TAFA2: variants seen among roughly 807,000 people sequenced by gnomAD.
TAFA2 encodes chemokine-like protein TAFA-2.
Under a neutral mutation model 18.8 loss-of-function variants are expected in TAFA2, and 7 were observed. The ratio of observed to expected loss-of-function variants is 0.37; its 90% CI spans 0.21 to 0.70. The LOEUF (loss-of-function observed/expected upper bound fraction) is 0.70, where lower values mean the gene tolerates loss of function less well. Among genes scored for constraint, TAFA2 ranks in the 30% least tolerant of loss-of-function variants. TAFA2 has a pLI of 0.53. For synonymous variants in TAFA2, 60 were observed against 54.2 expected (o/e 1.11, Z -0.47); for missense variants, 122 against 158.1 (o/e 0.77, Z 1.23).
intron 2 of TAFA2, among the ~76,000 whole-genome samples, chr12:61,757,655 TGGAATG>T (rs1172031979): frequency 6.6e-6 from 1 of 151,770 alleles, no homozygotes; most frequent in East Asian, 1.9e-4. Context: ...AATCTAGATC[TGGAATG>T]GGAAGACAGC....
chr12:61,919,907 T>C (rs1034696917), intron 1 of TAFA2, among the ~76,000 whole-genome samples: 1 of 152,138 alleles, frequency 6.6e-6, no homozygotes. Flanking sequence ...TTCAGGCAAA[T>C]GCATTTTTGC....
chr12:62,245,802 T>C (rs1298828570), intron 1 of TAFA2, among the ~76,000 whole-genome samples: 1 of 148,326 alleles, frequency 6.7e-6, no homozygotes, highest in Non-Finnish European at 1.5e-5. Context: ...AGATTTGGGG[T>C]TTTTTGATTC....
At chr12:62,015,650 G>GAA (rs1880913299) in intron 1 of TAFA2, among the ~76,000 whole-genome samples, 1 of 152,118 alleles carries the variant, frequency 6.6e-6, no homozygotes, top group Non-Finnish European at 1.5e-5. Flanking sequence ...AAATTTAAGA[G>GAA]GTTACTATAT....
At chr12:61,840,242 T>G (rs1873117817) in intron 2 of TAFA2, among the ~76,000 whole-genome samples, 1 of 152,008 alleles carries the variant, frequency 6.6e-6, no homozygotes, top group Non-Finnish European at 1.5e-5. Context: ...AATTCTGACT[T>G]AATATGCTTC....
At chr12:61,880,080 C>A in intron 1 of TAFA2, 1 of 648,554 alleles carries the variant, frequency 1.5e-6, no homozygotes, top group Non-Finnish European at 2.8e-6. Flanking sequence ...AGCAGCCACT[C>A]CCTGGACATG....
At chr12:61,768,523 G>T (rs1462853972) in intron 2 of TAFA2, among the ~76,000 whole-genome samples, 2 of 152,130 alleles carry the variant, frequency 1.3e-5, no homozygotes, top group Admixed American at 6.5e-5. Flanking sequence ...AAAGTGTGAG[G>T]GGGAAGGTCC....
chr12:61,722,498 C>A (rs1423893015), intron 4 of TAFA2, among the ~76,000 whole-genome samples: 1 of 152,046 alleles, frequency 6.6e-6, no homozygotes, highest in Non-Finnish European at 1.5e-5. Context: ...CTGCAGTGGA[C>A]ACATGTAGTT....
At chr12:62,139,604 CA>C (rs1306039355) in intron 1 of TAFA2, among the ~76,000 whole-genome samples, 1 of 152,178 alleles carries the variant, frequency 6.6e-6, no homozygotes, top group Non-Finnish European at 1.5e-5. Flanking sequence ...CCAACATCTG[CA>C]CCAGAGAAAC....
intron 2 of TAFA2, among the ~76,000 whole-genome samples, chr12:61,851,774 CAAAAAAAAAAAAAAAA>C (rs55651727): frequency 0.011 from 152 of 14,444 alleles, no homozygotes; most frequent in Non-Finnish European, 0.019. Context: ...GACTCCATCT[CAAAAAAAAAAAAAAAA>C]AAAAAAAAAA....
At chr12:61,982,584 T>G (rs73130969) in intron 1 of TAFA2, among the ~76,000 whole-genome samples, 17,827 of 152,124 alleles carry the variant, frequency 0.12, 1,075 homozygotes, top group South Asian at 0.16. Flanking sequence ...TATCCAGTTT[T>G]TTGCTTTTAA....
intron 2 of TAFA2, among the ~76,000 whole-genome samples, chr12:61,800,361 G>A (rs1871352489): frequency 6.6e-6 from 1 of 152,076 alleles, no homozygotes; most frequent in South Asian, 2.1e-4. Context: ...AAATTTGACA[G>A]CTTGATGCAA....
At chr12:62,223,231 G>A (rs1014018582) in intron 1 of TAFA2, among the ~76,000 whole-genome samples, 1 of 152,086 alleles carries the variant, frequency 6.6e-6, no homozygotes, top group Non-Finnish European at 1.5e-5. Flanking sequence ...AATGGTGCAG[G>A]GGCATGATCA....
chr12:61,726,213 G>A (rs976567209), intron 4 of TAFA2, among the ~76,000 whole-genome samples: 19 of 151,346 alleles, frequency 1.3e-4, no homozygotes, highest in African/African-American at 4.1e-4. Context: ...TCTCTAATTG[G>A]TGGGCTCTTT....
intron 1 of TAFA2, among the ~76,000 whole-genome samples, chr12:62,081,456 A>G (rs995151349): frequency 6.6e-6 from 1 of 150,402 alleles, no homozygotes; most frequent in African/African-American, 2.5e-5. Context: ...TTTTTTCTTC[A>G]ACTTGTTTTT....
intron 1 of TAFA2, among the ~76,000 whole-genome samples, chr12:62,038,352 T>G (rs1008120279): frequency 6.6e-6 from 1 of 152,218 alleles, no homozygotes; most frequent in Middle Eastern, 3.2e-3. Flanking sequence ...ATACACTATC[T>G]TCCTTCTTTG....
chr12:61,747,782 G>C (rs2120729714), intron 4 of TAFA2, among the ~76,000 whole-genome samples: 1 of 150,854 alleles, frequency 6.6e-6, no homozygotes, highest in African/African-American at 2.4e-5. Flanking sequence ...GAGTTAGTGG[G>C]TGCAGCACAC....
chr12:61,845,507 C>T (rs776048678), intron 2 of TAFA2, among the ~76,000 whole-genome samples: 1 of 152,138 alleles, frequency 6.6e-6, no homozygotes, highest in African/African-American at 2.4e-5. Flanking sequence ...GCATCATGGA[C>T]GATTGTGGCT....
chr12:62,232,901 A>G (rs2062818044), intron 1 of TAFA2, among the ~76,000 whole-genome samples: 1 of 151,918 alleles, frequency 6.6e-6, no homozygotes, highest in Non-Finnish European at 1.5e-5. Flanking sequence ...CTCTGGATAA[A>G]GACTTATTTC....
At chr12:62,083,942 T>C (rs1202317958) in intron 1 of TAFA2, among the ~76,000 whole-genome samples, 1 of 152,194 alleles carries the variant, frequency 6.6e-6, no homozygotes, top group Non-Finnish European at 1.5e-5. Flanking sequence ...ATTCTCATTG[T>C]ATGTGTGCTT....
Sources: allele counts gnomAD v4.1 joint callset (sites outside exome capture counted in the v4.1 genomes callset), GRCh38; gene constraint gnomAD v4.1.1; transcripts MANE v1.5; gene names NCBI Gene and HGNC (gene_info 2026-07-23, HGNC 2026-07-21).